The following CENPQ variants were observed in gnomAD, a reference collection of about 807,000 sequenced individuals.
CENPQ encodes chromosome 6 open reading frame 139.
In CENPQ, 27 loss-of-function variants were observed where a neutral mutation model predicts 36.6. That is an observed-to-expected ratio of 0.74 (90% CI 0.54 to 1.02). The LOEUF is 1.02. Among genes scored for constraint, CENPQ ranks in the 50% least tolerant of loss-of-function variants. The probability of loss-of-function intolerance (pLI) is 0.00; values close to 1 mark genes in which losing one functional copy is unlikely to be tolerated. For synonymous variants in CENPQ, 101 were observed against 101.7 expected, an observed-to-expected ratio of 0.99 and a Z score of 0.04; for missense variants, 306 against 301.8, an observed-to-expected ratio of 1.01 and a Z score of -0.10.
At chr6:49,468,104 T>G (rs892429113) in intron 1 of CENPQ, among the ~76,000 whole-genome samples, 7 of 151,984 alleles carry the variant, frequency 4.6e-5, no homozygotes, top group Admixed American at 3.3e-4. Context: ...GTTCCAAAAT[T>G]TGGGATTGGG....
chr6:49,464,704 T>G (rs1467966550), intron 1 of CENPQ, among the ~76,000 whole-genome samples: 1 of 152,248 alleles, frequency 6.6e-6, no homozygotes, highest in Non-Finnish European at 1.5e-5. Flanking sequence ...CGCTCATTCA[T>G]AAGAAGCAAC....
intron 4 of CENPQ, 56 bp downstream of exon 4, chr6:49,472,239 T>C (rs1311652595): frequency 1.1e-5 from 15 of 1,398,322 alleles, no homozygotes; most frequent in South Asian, 9.0e-5. Context: ...GTGTTTCCTA[T>C]GGATATTATT....
chr6:49,470,690 A>G (rs985638340), intron 2 of CENPQ, among the ~76,000 whole-genome samples: 11 of 151,204 alleles, frequency 7.3e-5, no homozygotes, highest in African/African-American at 2.4e-4. Context: ...CTATATTTGT[A>G]TATAACATTA....
At chr6:49,467,193 T>G (rs577358050) in intron 1 of CENPQ, among the ~76,000 whole-genome samples, 2 of 152,246 alleles carry the variant, frequency 1.3e-5, no homozygotes, top group African/African-American at 4.8e-5. Context: ...TAACAGTACT[T>G]CTCAAACTCT....
At chr6:49,471,100 C>A in intron 3 of CENPQ, 72 bp downstream of exon 3, 1 of 916,990 alleles carries the variant, frequency 1.1e-6, no homozygotes, top group Admixed American at 2.9e-5. Context: ...AAAAAATGTT[C>A]AGCATCTTGT....
rs772985397 is a variant in CENPQ, at chr6:49,488,723, T to A, written c.675+39T>A. 9 of 1,520,130 alleles carry A rather than the reference T, an allele frequency of 5.9e-6. No individual in the cohort carries two copies. In the Admixed American group the frequency reaches 1.5e-4, roughly 26 times the overall value. The allele number at this position is 1,520,130 out of a possible 1,614,324, so 94.2% of individuals were successfully genotyped here. A position where few individuals can be genotyped will look rare whatever the true frequency, so the allele number is the denominator to read the frequency against. On this transcript the variant is annotated intron_variant, in intron 8 of 8. Coordinates refer to ENST00000335783, the MANE Select transcript of CENPQ (RefSeq NM_018132.4). ...TACCATATTGATTACAGGCATACTT[T>A]AGAGATGTTGCAAATTTGGATTCAG...
intron 2 of CENPQ, among the ~76,000 whole-genome samples, chr6:49,470,512 G>A (rs115520425): frequency 0.031 from 4,659 of 151,246 alleles, 138 homozygotes; most frequent in African/African-American, 0.075. Context: ...TCAGCTACTC[G>A]GGAGGAGGTT....
intron 5 of CENPQ, among the ~76,000 whole-genome samples, chr6:49,476,287 G>A (rs1007333397): frequency 3.9e-5 from 6 of 152,094 alleles, no homozygotes; most frequent in African/African-American, 1.2e-4. Context: ...ACAACCATCT[G>A]ATCTTTGACA....
At chr6:49,481,136 C>A in intron 6 of CENPQ, 56 bp downstream of exon 6, 3 of 1,412,332 alleles carry the variant, frequency 2.1e-6, no homozygotes, top group Non-Finnish European at 2.9e-6. Flanking sequence ...GGGAAGAAGA[C>A]CAAAGTTTTT....
At chr6:49,483,674 T>C (rs1260012476) in intron 6 of CENPQ, among the ~76,000 whole-genome samples, 1 of 152,220 alleles carries the variant, frequency 6.6e-6, no homozygotes, top group African/African-American at 2.4e-5. Context: ...AAGCCCCTCA[T>C]TGCCCAGGGC....
At chr6:49,491,495 T>C (rs1049673000) in intron 8 of CENPQ, among the ~76,000 whole-genome samples, 2 of 152,180 alleles carry the variant, frequency 1.3e-5, no homozygotes, top group Non-Finnish European at 2.9e-5. Flanking sequence ...CAATAGCATA[T>C]AACTCCTTAT....
In CENPQ at chr6:49,471,046, C is replaced by A; in HGVS notation, c.157+18C>A. ...TTCTGAAGGTATTTCTTTTCTATTA[C>A]CTTGTTTAACCTGCTTCTATATCAA... On this transcript the variant is annotated intron_variant, in intron 3 of 8. Coordinates refer to ENST00000335783, the MANE Select transcript of CENPQ (RefSeq NM_018132.4). 1 of 1,397,976 alleles carries A rather than the reference C, an allele frequency of 7.2e-7. No individual in the cohort carries two copies. The highest frequency in any genetic ancestry group is 9.7e-7 in the Non-Finnish European group (1 of 1,035,334). The allele number at this position is 1,397,976 out of a possible 1,614,324, so 86.6% of individuals were successfully genotyped here. A position where few individuals can be genotyped will look rare whatever the true frequency, so the allele number is the denominator to read the frequency against.
Position 49,472,202 on chromosome 6 carries a change from C to A in CENPQ, c.278+19C>A, listed in dbSNP as rs998695135. The A allele has an allele frequency of 3.8e-6, 6 of 1,573,452 alleles. No homozygotes were observed. The African/African-American group carries it at 6.8e-5, about 18-fold the overall frequency. ...TAATAATGTGAGTATAAAATTGTTC[C>A]ATTTCATTCTTTTGGTTCCCATTTA... On this transcript the variant is annotated intron_variant, in intron 4 of 8. Transcript: ENST00000335783.
intron 5 of CENPQ, 116 bp downstream of exon 5, chr6:49,472,974 G>A (rs1205902430): frequency 1.9e-5 from 13 of 691,730 alleles, no homozygotes; most frequent in African/African-American, 3.7e-5. Flanking sequence ...TTTAGAGAAG[G>A]TGAACAACTT....
In CENPQ at chr6:49,488,372, A is replaced by T. The variant is rs751863775; in HGVS notation, c.498A>T (p.Val166=). Residue 166 remains valine (V), a synonymous_variant, in exon 7 of 9, where the codon GTA becomes GTT. Transcript: ENST00000335783. ...ALLQEEIDKM[V]ETTELMTGNI... ...CTCAGGAAGAAATAGATAAAATGGT[A>T]GAGACCACAGAGTTAATGACTGGGA... 6.2e-7 allele frequency: 1 copy of T among 1,606,982 alleles called. No homozygotes were observed. The highest frequency in any genetic ancestry group is 1.3e-5 in the African/African-American group (1 of 74,660).
intron 6 of CENPQ, among the ~76,000 whole-genome samples, chr6:49,482,204 C>G (rs866744407): frequency 4.6e-5 from 7 of 152,184 alleles, no homozygotes; most frequent in Non-Finnish European, 1.0e-4. Context: ...CGCACCTCTC[C>G]CTCCACACCT....
intron 1 of CENPQ, among the ~76,000 whole-genome samples, chr6:49,465,982 G>A (rs1767990776): frequency 6.6e-6 from 1 of 152,240 alleles, no homozygotes; most frequent in African/African-American, 2.4e-5. Context: ...ACCTCACCTT[G>A]CTTAAACATT....
intron 1 of CENPQ, among the ~76,000 whole-genome samples, chr6:49,465,497 A>G (rs1400999672): frequency 2.0e-5 from 3 of 152,228 alleles, no homozygotes; most frequent in African/African-American, 7.2e-5. Flanking sequence ...GCATCTTCCA[A>G]TAGAAGGCTG....
chr6:49,477,645 C>A (rs1318516151), intron 5 of CENPQ, among the ~76,000 whole-genome samples: 4 of 150,908 alleles, frequency 2.7e-5, no homozygotes, highest in Admixed American at 6.6e-5. Flanking sequence ...TTAAGGAATT[C>A]TTTTGAGTAC....
Sources: gnomAD v4.1 joint callset for allele counts (sites outside exome capture counted in the v4.1 genomes callset) on GRCh38, gnomAD v4.1.1 for gene constraint, MANE v1.5 for transcripts, NCBI Gene and HGNC (gene_info 2026-07-23, HGNC 2026-07-21) for gene names.